ANO10: variants seen among roughly 807,000 people sequenced by gnomAD.
The protein encoded by ANO10 is anoctamin-10.
A neutral mutation model predicts 74.7 loss-of-function variants in ANO10; 77 were observed. That is an observed-to-expected ratio of 1.03 (90% CI 0.86 to 1.25). ANO10 has a LOEUF of 1.25. Ranked by LOEUF, ANO10 falls within the 50% of genes most tolerant of loss-of-function variation. The probability of loss-of-function intolerance (pLI) is 0.00; values close to 1 mark genes in which losing one functional copy is unlikely to be tolerated. For missense variants in ANO10, 721 were observed against 778.1 expected (o/e 0.93, Z 0.87); for synonymous variants, 279 against 284.9 (o/e 0.98, Z 0.21).
At chr3:43,463,604 C>T (rs1182469897) in intron 11 of ANO10, among the ~76,000 whole-genome samples, 1 of 152,164 alleles carries the variant, frequency 6.6e-6, no homozygotes, top group Non-Finnish European at 1.5e-5. Flanking sequence ...GCAAATTTCT[C>T]CCATTTGGAA....
chr3:43,501,016 T>C (rs2077080699), intron 11 of ANO10, among the ~76,000 whole-genome samples: 1 of 152,212 alleles, frequency 6.6e-6, no homozygotes, highest in African/African-American at 2.4e-5. Context: ...ATTAGTTGTA[T>C]TCTGAAACAG....
intron 11 of ANO10, among the ~76,000 whole-genome samples, chr3:43,468,844 G>A (rs1212022678): frequency 6.6e-6 from 1 of 151,234 alleles, no homozygotes; most frequent in African/African-American, 2.4e-5. Context: ...CCGAGTAGCT[G>A]GGGCTACAGC....
chr3:43,382,385 A>T (rs892103397), intron 12 of ANO10, among the ~76,000 whole-genome samples: 1 of 150,942 alleles, frequency 6.6e-6, no homozygotes, highest in Non-Finnish European at 1.5e-5. Flanking sequence ...CGGGCGTGGT[A>T]GCGGGCGCCT....
At chr3:43,450,831 T>C (rs1259691788) in intron 11 of ANO10, among the ~76,000 whole-genome samples, 1 of 152,214 alleles carries the variant, frequency 6.6e-6, no homozygotes, top group African/African-American at 2.4e-5. Context: ...CCTTCAAACT[T>C]TGGCAGAGTC....
At chr3:43,414,204 T>C (rs527753609) in intron 12 of ANO10, among the ~76,000 whole-genome samples, 4 of 152,172 alleles carry the variant, frequency 2.6e-5, no homozygotes, top group African/African-American at 9.6e-5. Flanking sequence ...TCAGATAACA[T>C]CAGTTCAAAC....
At chr3:43,496,547 C>CCTCA (rs2076920962) in intron 11 of ANO10, among the ~76,000 whole-genome samples, 1 of 152,076 alleles carries the variant, frequency 6.6e-6, no homozygotes, top group Non-Finnish European at 1.5e-5. Context: ...AATCCTCCTA[C>CCTCA]CTCAGCCTCC....
chr3:43,669,716 T>A (rs2084034023), intron 1 of ANO10, among the ~76,000 whole-genome samples: 1 of 151,804 alleles, frequency 6.6e-6, no homozygotes, highest in African/African-American at 2.4e-5. Flanking sequence ...TCTTTTTAGT[T>A]TTTATTTATT....
At chr3:43,482,344 T>G (rs1257749223) in intron 11 of ANO10, among the ~76,000 whole-genome samples, 1 of 152,208 alleles carries the variant, frequency 6.6e-6, no homozygotes. Context: ...CACTCATATT[T>G]GGCTCAGAAT....
intron 4 of ANO10, among the ~76,000 whole-genome samples, chr3:43,589,528 T>C (rs917927559): frequency 6.6e-6 from 1 of 152,056 alleles, no homozygotes; most frequent in African/African-American, 2.4e-5. Flanking sequence ...ACAGTAGAAT[T>C]GCTTGAACCT....
intron 11 of ANO10, among the ~76,000 whole-genome samples, chr3:43,517,346 T>C (rs2077752779): frequency 6.6e-6 from 1 of 152,224 alleles, no homozygotes; most frequent in African/African-American, 2.4e-5. Context: ...GGACCAATTT[T>C]TAAATTCCCA....
chr3:43,374,871 A>C (rs1247222676), intron 12 of ANO10, among the ~76,000 whole-genome samples: 1 of 152,224 alleles, frequency 6.6e-6, no homozygotes, highest in Non-Finnish European at 1.5e-5. Context: ...CTGTAATCCC[A>C]GCACTTTGGG....
intron 11 of ANO10, among the ~76,000 whole-genome samples, chr3:43,452,827 C>A (rs1317108186): frequency 2.0e-5 from 3 of 152,210 alleles, no homozygotes; most frequent in Non-Finnish European, 2.9e-5. Flanking sequence ...TGCTCTACAT[C>A]CTCACCAAAT....
chr3:43,683,912 C>T (rs1035650188), intron 1 of ANO10, among the ~76,000 whole-genome samples: 123 of 152,242 alleles, frequency 8.1e-4, no homozygotes, highest in African/African-American at 2.7e-3. Context: ...TTCCTTACAC[C>T]TTATACAAAA....
intron 1 of ANO10, among the ~76,000 whole-genome samples, chr3:43,613,912 T>C (rs2082957357): frequency 6.6e-6 from 1 of 152,080 alleles, no homozygotes; most frequent in Admixed American, 6.6e-5. Context: ...CTAAGTACAG[T>C]AGCAGGAACC....
chr3:43,402,157 A>C (rs932577823), intron 12 of ANO10, among the ~76,000 whole-genome samples: 3 of 152,238 alleles, frequency 2.0e-5, no homozygotes, highest in African/African-American at 7.2e-5. Flanking sequence ...CAAACAAAAA[A>C]TGTAATTATC....
intron 4 of ANO10, among the ~76,000 whole-genome samples, chr3:43,582,757 G>A (rs959930369): frequency 9.9e-5 from 15 of 152,176 alleles, no homozygotes; most frequent in Admixed American, 3.3e-4. Context: ...TATACTCAAA[G>A]TATCAGTAAC....
intron 11 of ANO10, chr3:43,485,150 G>C (rs1442425345): frequency 9.9e-5 from 77 of 777,090 alleles, no homozygotes; most frequent in Non-Finnish European, 1.6e-4. Context: ...GGATGGAGTG[G>C]GCCCTGGCGC....
intron 11 of ANO10, among the ~76,000 whole-genome samples, chr3:43,522,624 G>C (rs572662808): frequency 3.2e-4 from 49 of 152,314 alleles, no homozygotes; most frequent in African/African-American, 1.1e-3. Context: ...GAATCAAGCA[G>C]GGTTTTTACT....
intron 12 of ANO10, among the ~76,000 whole-genome samples, chr3:43,404,572 T>A (rs2092541092): frequency 6.6e-6 from 1 of 152,072 alleles, no homozygotes; most frequent in Non-Finnish European, 1.5e-5. Context: ...TGGTAATTTG[T>A]TACAGAGCAA....
Sources: gnomAD v4.1 joint callset for allele counts (sites outside exome capture counted in the v4.1 genomes callset) on GRCh38, gnomAD v4.1.1 for gene constraint, MANE v1.5 for transcripts, NCBI Gene and HGNC (gene_info 2026-07-23, HGNC 2026-07-21) for gene names.